The following NWD2 variants were observed in gnomAD, a reference collection of about 807,000 sequenced individuals.
NWD2 encodes NACHT and WD repeat domain-containing protein 2.
In NWD2, 37 loss-of-function variants were observed where a neutral mutation model predicts 132.7. The observed-to-expected ratio is 0.28, with a 90% CI of 0.21 to 0.37. The LOEUF is 0.37. Among genes scored for constraint, NWD2 ranks in the 10% least tolerant of loss-of-function variants. The pLI, the probability that NWD2 is intolerant of heterozygous loss-of-function variation, is 1.00. For synonymous variants in NWD2, 705 were observed against 803.0 expected (o/e 0.88, Z 2.06); for missense variants, 1,592 against 2,122.4 (o/e 0.75, Z 4.91).
chr4:37,396,311 C>T (rs1720790878), intron 3 of NWD2, among the ~76,000 whole-genome samples: 2 of 152,210 alleles, frequency 1.3e-5, no homozygotes, highest in South Asian at 2.1e-4. Flanking sequence ...GTGGAGTCCT[C>T]GCCCTGGCAT....
intron 1 of NWD2, among the ~76,000 whole-genome samples, chr4:37,272,944 C>A (rs1184866491): frequency 1.3e-5 from 2 of 151,774 alleles, no homozygotes; most frequent in Non-Finnish European, 2.9e-5. Context: ...ATTCTCCACA[C>A]ATTAGGTGAT....
chr4:37,283,573 G>A (rs1776560), intron 1 of NWD2, among the ~76,000 whole-genome samples: 128,859 of 152,190 alleles, frequency 0.85, 55,115 homozygotes, highest in African/African-American at 0.95. Flanking sequence ...GCCTTGTACC[G>A]TTAGTATCAG....
At chr4:37,395,584 CAAAAAA>C (rs1156884728) in intron 3 of NWD2, among the ~76,000 whole-genome samples, 12 of 18,284 alleles carry the variant, frequency 6.6e-4, no homozygotes, top group East Asian at 2.5e-3. Flanking sequence ...AACTCTGTCT[CAAAAAA>C]AAAAAAAAAA....
intron 3 of NWD2, among the ~76,000 whole-genome samples, chr4:37,397,353 A>C (rs1310971910): frequency 1.3e-5 from 2 of 152,156 alleles, no homozygotes; most frequent in Non-Finnish European, 2.9e-5. Context: ...TTTTCTGTGA[A>C]AGTACTTTTT....
chr4:37,254,525 G>A (rs1717471384), intron 1 of NWD2, among the ~76,000 whole-genome samples: 2 of 152,088 alleles, frequency 1.3e-5, no homozygotes, highest in Admixed American at 6.5e-5. Flanking sequence ...ACTTGTAGCA[G>A]TGGCTTAAAA....
At chr4:37,376,635 T>C (rs1720355190) in intron 3 of NWD2, among the ~76,000 whole-genome samples, 1 of 152,206 alleles carries the variant, frequency 6.6e-6, no homozygotes, top group African/African-American at 2.4e-5. Flanking sequence ...CTTAATCTCA[T>C]TGAATCTCCA....
Position 37,271,647 on chromosome 4 carries a change from T to C in NWD2, c.151+26429T>C, listed in dbSNP as rs575303395. Among the ~76,000 whole-genome samples the C allele has an allele frequency of 7.5e-4, 114 of 151,894 alleles. 1 individual carries two copies. Among genetic ancestry groups the C allele is most frequent in the African/African-American group, 2.6e-3 (108 of 41,506 alleles). On this transcript the variant is annotated intron_variant, in intron 1 of 6. Coordinates refer to ENST00000309447, the MANE Select transcript of NWD2 (RefSeq NM_001144990.2). ...ATATCATCTAGAATGAGTTTCACTTTTGCCTTTTAGGTCTTCACACATTTT... is the reference window on the plus strand; with the variant it reads ...ATATCATCTAGAATGAGTTTCACTTCTGCCTTTTAGGTCTTCACACATTTT...
chr4:37,381,444 G>A (rs1161993221), intron 3 of NWD2, among the ~76,000 whole-genome samples: 1 of 152,140 alleles, frequency 6.6e-6, no homozygotes. Flanking sequence ...GAGACTCTGG[G>A]TTATCCCTCT....
Position 37,311,656 on chromosome 4 carries a change from A to G in NWD2, c.152-14280A>G, listed in dbSNP as rs376841027. On this transcript the variant is annotated intron_variant, in intron 1 of 6. Transcript: ENST00000309447. The stretch of plus-strand genomic sequence containing the variant: ...TAGTTTAATTAGATCCCATTTGTCA[A>G]TTTTGGCTTTTGTTGCTTTTGGTGT... 8.4e-3 allele frequency among the ~76,000 whole-genome samples: 1,226 copies of G among 146,786 alleles called. 10 individuals carry two copies. The highest frequency in any genetic ancestry group is 0.022 in the South Asian group (106 of 4,810).
chr4:37,280,072 T>C (rs1310113037), intron 1 of NWD2, among the ~76,000 whole-genome samples: 1 of 152,186 alleles, frequency 6.6e-6, no homozygotes, highest in Admixed American at 6.5e-5. Context: ...CCTCCCCTAA[T>C]GTCATCAGTA....
At chr4:37,286,584 C>T (rs1283426495) in intron 1 of NWD2, among the ~76,000 whole-genome samples, 5 of 152,190 alleles carry the variant, frequency 3.3e-5, no homozygotes, top group Non-Finnish European at 2.9e-5. Flanking sequence ...AGAAAGAACA[C>T]AAGCCCTGTA....
Position 37,445,354 on chromosome 4 carries a change from C to A in NWD2, c.3366C>A (p.Thr1122=). The A allele has an allele frequency of 1.9e-6, 3 of 1,552,172 alleles. No individual in the cohort carries two copies. Among genetic ancestry groups the A allele is most frequent in the Non-Finnish European group, 1.7e-6 (2 of 1,147,098 alleles). The change falls in exon 7 of 7, where the codon ACC becomes ACA. Residue 1122 remains threonine (T), a synonymous_variant. Transcript: ENST00000309447. This position sits in a 1 kb window ranked among gnomAD's most constrained non-coding sequence, Gnocchi z 4.7. ...YAFCGQYLNT[T]TIFHLGSGEK... Reference sequence around the variant, plus strand: ...TCTGTGGCCAATACCTGAACACAACCACCATATTTCATTTAGGGAGTGGAG... The same window carrying A: ...TCTGTGGCCAATACCTGAACACAACAACCATATTTCATTTAGGGAGTGGAG...
intron 3 of NWD2, among the ~76,000 whole-genome samples, chr4:37,402,380 C>A (rs1041635683): frequency 2.0e-5 from 3 of 152,156 alleles, no homozygotes; most frequent in Non-Finnish European, 4.4e-5. Flanking sequence ...TCAGGAATAG[C>A]GTCTTTTTCC....
At chr4:37,435,730 T>A (rs12512750) in intron 5 of NWD2, among the ~76,000 whole-genome samples, 1 of 151,990 alleles carries the variant, frequency 6.6e-6, no homozygotes, top group African/African-American at 2.4e-5. Context: ...AGTGAAGAAC[T>A]GTGTCCACAT....
Position 37,408,205 on chromosome 4 carries a change from C to G in NWD2, c.358-22367C>G, listed in dbSNP as rs182473560. On this transcript the variant is annotated intron_variant, in intron 3 of 6. Transcript: ENST00000309447. ...CCGATAACCTCCCTGGAAAAGGGTG[C>G]TGAAGCCAGGGAGCCAAGTGGTCTG... 2.2e-3 allele frequency among the ~76,000 whole-genome samples: 329 copies of G among 151,984 alleles called. 10 individuals are homozygous for G. Among genetic ancestry groups the G allele is most frequent in the Admixed American group, 0.019 (297 of 15,236 alleles).
intron 3 of NWD2, among the ~76,000 whole-genome samples, chr4:37,422,651 C>G (rs1711855425): frequency 6.6e-6 from 1 of 152,052 alleles, no homozygotes; most frequent in Non-Finnish European, 1.5e-5. Flanking sequence ...TTATGTATTG[C>G]CAAGTGCTTT....
chr4:37,420,596 T>A (rs1253533051), intron 3 of NWD2, among the ~76,000 whole-genome samples: 2 of 152,136 alleles, frequency 1.3e-5, no homozygotes, highest in African/African-American at 4.8e-5. Flanking sequence ...GACAGGAGAA[T>A]CGCTTGAACC....
intron 1 of NWD2, among the ~76,000 whole-genome samples, chr4:37,316,746 C>T (rs1718967494): frequency 6.6e-6 from 1 of 152,092 alleles, no homozygotes; most frequent in East Asian, 1.9e-4. Flanking sequence ...AAAATCTGAA[C>T]CCACTCAGAC....
chr4:37,444,834 A>T lies in NWD2; in HGVS notation c.2846A>T (p.His949Leu), dbSNP rs1370304176. The T allele has an allele frequency of 5.8e-6, 9 of 1,552,176 alleles. No homozygotes were observed. The highest frequency in any genetic ancestry group is 7.8e-6 in the Non-Finnish European group (9 of 1,147,092). ...GPKYCSIVPL[H>L]SSMDVTYSPE... Reference sequence around the variant, plus strand: ...AAATATTGCTCCATTGTACCACTGCATTCATCCATGGATGTGACATACAGC... The same window carrying T: ...AAATATTGCTCCATTGTACCACTGCTTTCATCCATGGATGTGACATACAGC... The change falls in exon 7 of 7, where the codon CAT becomes CTT. Residue 949 changes from histidine (H) to leucine (L), a missense_variant. Around this residue, in one of 7 missense-constraint regions of NWD2, gnomAD observed 1,071 missense variants for 1,398.0 expected, o/e 0.77. Coordinates refer to ENST00000309447, the MANE Select transcript of NWD2 (RefSeq NM_001144990.2). This position sits in a 1 kb window ranked among gnomAD's most constrained non-coding sequence, Gnocchi z 4.8.
Sources: gnomAD v4.1 joint callset for allele counts (sites outside exome capture counted in the v4.1 genomes callset) on GRCh38, gnomAD v4.1.1 for gene constraint, gnomAD v4.1.1 regional missense constraint, Gnocchi (gnomAD v3.1) non-coding constraint, MANE v1.5 for transcripts, NCBI Gene and HGNC (gene_info 2026-07-23, HGNC 2026-07-21) for gene names.